MRPL13: variants seen among roughly 807,000 people sequenced by gnomAD.
MRPL13 encodes mitochondrial ribosomal protein L13.
MRPL13 carries 33 observed loss-of-function variants against 29.0 expected under a neutral mutation model. The observed-to-expected ratio is 1.14, with a 90% CI of 0.86 to 1.52. The LOEUF is 1.52. Among genes scored for constraint, MRPL13 ranks in the 40% most tolerant of loss-of-function variants. The probability of loss-of-function intolerance (pLI) is 0.00; values close to 1 mark genes in which losing one functional copy is unlikely to be tolerated. For missense variants in MRPL13, 227 were observed against 216.7 expected, an observed-to-expected ratio of 1.05 and a Z score of -0.30; for synonymous variants, 77 against 68.4, an observed-to-expected ratio of 1.13 and a Z score of -0.62.
intron 6 of MRPL13, among the ~76,000 whole-genome samples, chr8:120,410,325 G>C (rs546401140): frequency 6.6e-6 from 1 of 152,210 alleles, no homozygotes; most frequent in African/African-American, 2.4e-5. Context: ...CATTCCAAAG[G>C]AAAATTATAT....
intron 2 of MRPL13, among the ~76,000 whole-genome samples, chr8:120,442,214 T>A (rs1813132423): frequency 6.6e-6 from 1 of 152,214 alleles, no homozygotes; most frequent in East Asian, 1.9e-4. Context: ...ACATATCAAG[T>A]GTTATTGAAG....
At chr8:120,403,193 G>A (rs529366210) in intron 6 of MRPL13, among the ~76,000 whole-genome samples, 6 of 152,196 alleles carry the variant, frequency 3.9e-5, no homozygotes, top group East Asian at 3.9e-4. Flanking sequence ...AAAGACAAAC[G>A]CATGTGTATG....
At chr8:120,398,402 C>T (rs9642849) in intron 6 of MRPL13, among the ~76,000 whole-genome samples, 80,384 of 152,048 alleles carry the variant, frequency 0.53, 24,567 homozygotes, top group Non-Finnish European at 0.67. Context: ...AACAGTCCTA[C>T]GGAAAAGTGG....
intron 2 of MRPL13, among the ~76,000 whole-genome samples, chr8:120,434,613 C>T (rs151317681): frequency 9.9e-5 from 15 of 152,142 alleles, no homozygotes; most frequent in Middle Eastern, 3.4e-3. Context: ...TAATTGATCA[C>T]GTATTCTTTT....
chr8:120,402,137 T>C (rs1423740707), intron 6 of MRPL13, among the ~76,000 whole-genome samples: 1 of 152,170 alleles, frequency 6.6e-6, no homozygotes, highest in African/African-American at 2.4e-5. Flanking sequence ...CTTCACAGAA[T>C]TAGAATAAAC....
chr8:120,398,400 T>C (rs1043755681), intron 6 of MRPL13, among the ~76,000 whole-genome samples: 1 of 152,084 alleles, frequency 6.6e-6, no homozygotes, highest in African/African-American at 2.4e-5. Context: ...GCAACAGTCC[T>C]ACGGAAAAGT....
chr8:120,439,303 A>G (rs1813089720), intron 2 of MRPL13, among the ~76,000 whole-genome samples: 4 of 152,210 alleles, frequency 2.6e-5, no homozygotes. Context: ...CAAGCTTGGT[A>G]TACTGAGTGC....
intron 1 of MRPL13, among the ~76,000 whole-genome samples, chr8:120,444,503 T>A (rs999366735): frequency 6.6e-6 from 1 of 152,202 alleles, no homozygotes; most frequent in Non-Finnish European, 1.5e-5. Flanking sequence ...GGCTCCACCT[T>A]CAAACAAAAC....
At chr8:120,412,084 T>C (rs1002208761) in intron 6 of MRPL13, among the ~76,000 whole-genome samples, 2 of 152,176 alleles carry the variant, frequency 1.3e-5, no homozygotes, top group African/African-American at 4.8e-5. Context: ...TATTTGCACA[T>C]ACATGATTTA....
chr8:120,396,000 G>T lies in MRPL13; in HGVS notation c.*104C>A, dbSNP rs1315048688. On this transcript the variant is annotated 3_prime_UTR_variant, in exon 7 of 7. Transcript: ENST00000306185. Reference sequence around the variant, plus strand: ...CACAGTGATTCGGCACATAAAACAGGTGCTGAACTGTAGCAGTTGTTTTAC... The same window carrying T: ...CACAGTGATTCGGCACATAAAACAGTTGCTGAACTGTAGCAGTTGTTTTAC... 1.1e-6 allele frequency: 1 copy of T among 907,028 alleles called. No individual in the cohort carries two copies. Among genetic ancestry groups the T allele is most frequent in the Non-Finnish European group, 1.7e-6 (1 of 583,170 alleles). 56.2% of individuals were successfully genotyped at this position (907,028 alleles called of 1,614,324 possible). A position where few individuals can be genotyped will look rare whatever the true frequency, so the allele number is the denominator to read the frequency against.
chr8:120,427,983 AT>A (rs1812950219), intron 3 of MRPL13, among the ~76,000 whole-genome samples: 1 of 151,998 alleles, frequency 6.6e-6, no homozygotes, highest in South Asian at 2.1e-4. Flanking sequence ...CTAGAAAAAA[AT>A]ATTTCAAAAT....
chr8:120,401,971 T>A (rs1812602648), intron 6 of MRPL13, among the ~76,000 whole-genome samples: 1 of 152,150 alleles, frequency 6.6e-6, no homozygotes, highest in African/African-American at 2.4e-5. Flanking sequence ...CAAGGAGAAC[T>A]GCAAACCACT....
chr8:120,398,534 C>T (rs937368980), intron 6 of MRPL13, among the ~76,000 whole-genome samples: 35 of 152,148 alleles, frequency 2.3e-4, no homozygotes, highest in Admixed American at 1.5e-3. Context: ...GATAAGCCCA[C>T]AAAGATGAGA....
chr8:120,395,751 C>A lies in MRPL13; in HGVS notation c.*353G>T, dbSNP rs1812515044. The A allele has an allele frequency of 1.1e-5, 2 of 178,898 alleles. No homozygotes were observed. The highest frequency in any genetic ancestry group is 1.3e-4 in the Admixed American group (2 of 15,990). 11.1% of individuals were successfully genotyped at this position (178,898 alleles called of 1,614,324 possible). On this transcript the variant is annotated 3_prime_UTR_variant, in exon 7 of 7. Coordinates refer to ENST00000306185, the MANE Select transcript of MRPL13 (RefSeq NM_014078.6). ...AGGGACAAGAATAGTGACCTGCAAA[C>A]TTGAGAAAATCTGCATGGAGAGGCA...
In MRPL13 at chr8:120,445,112, A is replaced by C; in HGVS notation, c.-18T>G. ...CTCGACATATTCCTCTACTAGCAGG[A>C]CCGTACGTCCTTCTCCTAGTAGCCA... On this transcript the variant is annotated 5_prime_UTR_variant, in exon 1 of 7. Transcript: ENST00000306185. 6.2e-7 allele frequency: 1 copy of C among 1,613,888 alleles called. No individual in the cohort carries two copies. Among genetic ancestry groups the C allele is most frequent in the Non-Finnish European group, 8.5e-7 (1 of 1,179,940 alleles).
intron 3 of MRPL13, among the ~76,000 whole-genome samples, chr8:120,428,709 A>G (rs934396195): frequency 6.6e-6 from 1 of 152,226 alleles, no homozygotes; most frequent in African/African-American, 2.4e-5. Context: ...GAAGACGTAC[A>G]TATGGCCAAC....
rs368686814 is a variant in MRPL13 at position 120,396,118 on chromosome 8, C to G, written c.523G>C (p.Asp175His). 5.7e-6 allele frequency: 9 copies of G among 1,586,246 alleles called. No homozygotes were observed. Among genetic ancestry groups the G allele is most frequent in the Non-Finnish European group, 7.7e-6 (9 of 1,161,582 alleles). ...AFPRLWTPPE[D>H]YRL ...TTCTTATTCTCTTATAGCCGATAAT[C>G]TTCAGGTCTGAAAGAAAAAATCAAC... The change falls in exon 7 of 7, where the codon GAT becomes CAT. Residue 175 changes from aspartate (D) to histidine (H), a missense_variant. By Grantham distance (81) the Asp-to-His change is moderately conservative. Coordinates refer to ENST00000306185, the MANE Select transcript of MRPL13 (RefSeq NM_014078.6).
intron 6 of MRPL13, among the ~76,000 whole-genome samples, chr8:120,407,648 TAAAACAAAACAAAAC>T (rs55919521): frequency 7.2e-4 from 106 of 146,244 alleles, no homozygotes; most frequent in African/African-American, 2.0e-3. Context: ...AAACTCCATC[TAAAACAAAACAAAAC>T]AAAACAAAAC....
intron 2 of MRPL13, among the ~76,000 whole-genome samples, chr8:120,435,359 C>G (rs1312404272): frequency 6.6e-6 from 1 of 152,176 alleles, no homozygotes; most frequent in South Asian, 2.1e-4. Context: ...TTGATCCTCA[C>G]CCTCCTCCCA....
Sources: allele counts gnomAD v4.1 joint callset (sites outside exome capture counted in the v4.1 genomes callset), GRCh38; gene constraint gnomAD v4.1.1; transcripts MANE v1.5; gene names NCBI Gene and HGNC (gene_info 2026-07-23, HGNC 2026-07-21).